Variants in RNF123 observed in about 807,000 individuals in gnomAD.
The protein encoded by RNF123 is ring finger protein 123, also known as E3 ubiquitin-protein ligase RNF123.
A neutral mutation model predicts 168.5 loss-of-function variants in RNF123; 86 were observed. That is an observed-to-expected ratio of 0.51 (90% CI 0.43 to 0.61). RNF123 has a LOEUF of 0.61. RNF123 is among the 20% of genes least tolerant of loss of function. The pLI is 0.00. For synonymous variants in RNF123, 666 were observed against 689.1 expected (o/e 0.97, Z 0.52); for missense variants, 1,419 against 1,729.7 (o/e 0.82, Z 3.19).
chr3:49,702,654 CCT>C lies in RNF123; in HGVS notation c.1652_1653del (p.Pro551ArgfsTer20). On this transcript the variant is annotated frameshift_variant, in exon 20 of 39. Coordinates refer to ENST00000327697, the MANE Select transcript of RNF123 (RefSeq NM_022064.5). LOFTEE classifies it high-confidence loss of function. The part of the protein sequence containing the change: ...GRGNMPMLCP[P>X]EYMVCFLHRL... Reference sequence around the variant, plus strand: ...ACAGAACATGCCCATGCTCTGCCCCCCTGAGTACATGGTCTGCTTCTTACACC... The same window carrying C: ...ACAGAACATGCCCATGCTCTGCCCCCGAGTACATGGTCTGCTTCTTACACC... The C allele has an allele frequency of 1.2e-6, 2 of 1,614,230 alleles. No individual in the cohort carries two copies. Among genetic ancestry groups the C allele is most frequent in the South Asian group, 1.1e-5 (1 of 91,088 alleles).
intron 3 of RNF123, among the ~76,000 whole-genome samples, chr3:49,695,689 CTG>C (rs980399231): frequency 2.6e-5 from 4 of 152,296 alleles, no homozygotes; most frequent in African/African-American, 7.2e-5. Flanking sequence ...AGCTTTCTGT[CTG>C]TGTGGATGAG....
chr3:49,718,587 A>T, intron 35 of RNF123: 1 of 1,613,000 alleles, frequency 6.2e-7, no homozygotes, highest in Non-Finnish European at 8.5e-7. Context: ...TCAGGGACCG[A>T]CCCACCAGCG....
At chr3:49,697,753 A>G (rs1378520535) in intron 5 of RNF123, 132 bp from the exon 6 acceptor site, 2 of 1,094,036 alleles carry the variant, frequency 1.8e-6, no homozygotes, top group Non-Finnish European at 2.8e-6. Context: ...CACCGTCCTC[A>G]GGCACAGTGC....
Position 49,716,402 on chromosome 3 carries a change from G to A in RNF123, c.3425G>A (p.Ser1142Asn), listed in dbSNP as rs191296119. The change falls in exon 35 of 39, where the codon AGC (serine) becomes AAC (asparagine). Residue 1142 changes from serine (S) to asparagine (N), a missense_variant. Transcript: ENST00000327697. ...CTCCCCTTCCCCTCAGGCCTAGAGA[G>A]CGTGGACCACTATCCCATTCTGGTG... ...VVTLRLPGLE[S>N]VDHYPILVAV... is the part of the protein sequence containing the mutation. The A allele has an allele frequency of 3.9e-5, 63 of 1,614,042 alleles. No homozygotes were observed. In the East Asian group the frequency reaches 1.3e-3, roughly 34 times the overall value.
At chr3:49,706,760 T>C in intron 25 of RNF123, 31 bp from the exon 26 acceptor site, 1 of 1,596,972 alleles carries the variant, frequency 6.3e-7, no homozygotes, top group Non-Finnish European at 8.6e-7. Context: ...GGGCCATGTC[T>C]TGATTGTCCT....
chr3:49,718,638 G>A (rs2080308199), intron 35 of RNF123: 1 of 1,613,000 alleles, frequency 6.2e-7, no homozygotes, highest in African/African-American at 1.3e-5. Flanking sequence ...CAAGAGCTGG[G>A]GCCGACGAGC....
At chr3:49,711,158 A>G (rs757970313) in intron 26 of RNF123, among the ~76,000 whole-genome samples, 31 of 152,210 alleles carry the variant, frequency 2.0e-4, no homozygotes, top group Admixed American at 5.2e-4. Flanking sequence ...CAACATGGCG[A>G]AACCCCATCT....
rs2080240941 is a variant in RNF123, at chr3:49,716,189, G to A, written c.3415+12G>A. ...CCTACGGCTGCCTGGTGAGGACCTA[G>A]ATGCCCTGCACCCCAACACACTACA... On this transcript the variant is annotated intron_variant, in intron 34 of 38. Transcript: ENST00000327697. 2 of 1,613,126 alleles carry A rather than the reference G, an allele frequency of 1.2e-6. No homozygotes were observed. The highest frequency in any genetic ancestry group is 1.7e-6 in the Non-Finnish European group (2 of 1,179,614).
chr3:49,690,254 T>TA (rs1161906214), intron 1 of RNF123, among the ~76,000 whole-genome samples: 1 of 152,262 alleles, frequency 6.6e-6, no homozygotes, highest in African/African-American at 2.4e-5. Context: ...GGGAACGTTC[T>TA]ACCTTTGTGC....
chr3:49,705,889 G>T, intron 24 of RNF123, 93 bp from the exon 25 acceptor site: 1 of 1,495,316 alleles, frequency 6.7e-7, no homozygotes, highest in Non-Finnish European at 9.3e-7. Flanking sequence ...CTAAGGTTGG[G>T]ACCTTGGCAG....
Position 49,704,711 on chromosome 3 carries a change from G to A in RNF123, c.1914G>A (p.Met638Ile). Reference sequence around the variant, plus strand: ...CACTGGAGCTCCAGTCAACCGCCATGGATGACCTAGATGAGGATGAGGAGC... The same window carrying A: ...CACTGGAGCTCCAGTCAACCGCCATAGATGACCTAGATGAGGATGAGGAGC... ...IDPLELQSTA[M>I]DDLDEDEEPA... The change falls in exon 22 of 39, where the codon ATG becomes ATA. Residue 638 changes from methionine to isoleucine, a missense_variant. Around this residue, in one of 5 missense-constraint regions of RNF123, gnomAD observed 538 missense variants for 708.8 expected, o/e 0.76. Transcript: ENST00000327697. 1 of 1,601,584 alleles carries A rather than the reference G, an allele frequency of 6.2e-7. No individual in the cohort carries two copies. Among genetic ancestry groups the A allele is most frequent in the Non-Finnish European group, 8.5e-7 (1 of 1,174,060 alleles).
In RNF123 at chr3:49,714,559, C is replaced by A. The variant is rs576393524; in HGVS notation, c.3010+385C>A. On this transcript the variant is annotated intron_variant, in intron 31 of 38. Transcript: ENST00000327697. Reference sequence around the variant, plus strand: ...CTTGTCCCAGCACCATGTCCTTCTGCTTCTTTTTTGCTATCTGCTGGTGGC... The same window carrying A: ...CTTGTCCCAGCACCATGTCCTTCTGATTCTTTTTTGCTATCTGCTGGTGGC... 2.0e-5 allele frequency among the ~76,000 whole-genome samples: 3 copies of A among 152,382 alleles called. No individual in the cohort carries two copies. In the South Asian group the frequency reaches 6.2e-4, roughly 32 times the overall value.
intron 35 of RNF123, chr3:49,717,037 C>G (rs2080261099): frequency 6.5e-6 from 1 of 153,506 alleles, no homozygotes; most frequent in African/African-American, 2.4e-5. Flanking sequence ...CCAGTGCCAG[C>G]CCTTAAGAGG....
intron 25 of RNF123, 65 bp from the exon 26 acceptor site, chr3:49,706,726 A>G: frequency 1.4e-6 from 2 of 1,418,896 alleles, no homozygotes; most frequent in Non-Finnish European, 1.0e-6. Flanking sequence ...GGCTGCCTGC[A>G]GGATCAGGGT....
At chr3:49,704,802 T>C (rs1474878145) in intron 22 of RNF123, 46 bp downstream of exon 22, 1 of 1,507,094 alleles carries the variant, frequency 6.6e-7, no homozygotes, top group Admixed American at 2.2e-5. Context: ...GGGCTTATCC[T>C]GTATCTTATG....
At chr3:49,706,563 C>A (rs1052519203) in intron 25 of RNF123, among the ~76,000 whole-genome samples, 1 of 152,232 alleles carries the variant, frequency 6.6e-6, no homozygotes, top group Non-Finnish European at 1.5e-5. Context: ...GCTCACAGAC[C>A]CCCAGCTGGG....
intron 21 of RNF123, among the ~76,000 whole-genome samples, chr3:49,704,267 T>C (rs2054467658): frequency 6.6e-6 from 1 of 152,032 alleles, no homozygotes; most frequent in Admixed American, 6.5e-5. Context: ...AGCCCTGGCA[T>C]CTCCTTTTGT....
chr3:49,700,530 G>A lies in RNF123; in HGVS notation c.1169G>A (p.Arg390Gln), dbSNP rs559187927. Residue 390 changes from arginine to glutamine, a missense_variant, in exon 14 of 39, where the codon CGA (arginine) becomes CAA (glutamine). Transcript: ENST00000327697. Reference sequence around the variant, plus strand: ...ATGATGTCTCTGCTTCGGCTGTACCGATTCTCACCCATTGTCCCAGACCTG... The same window carrying A: ...ATGATGTCTCTGCTTCGGCTGTACCAATTCTCACCCATTGTCCCAGACCTG... The part of the protein sequence containing the change: ...QLMMSLLRLY[R>Q]FSPIVPDLGL... 14 of 1,614,196 alleles carry A rather than the reference G, an allele frequency of 8.7e-6. No homozygotes were observed. The African/African-American group carries it at 9.3e-5, about 11-fold the overall frequency.
intron 26 of RNF123, among the ~76,000 whole-genome samples, chr3:49,711,413 C>T (rs531031126): frequency 1.3e-5 from 2 of 152,316 alleles, no homozygotes; most frequent in African/African-American, 4.8e-5. Flanking sequence ...GGGTCTCTGT[C>T]TGCCCCCATC....
Sources: allele counts gnomAD v4.1 joint callset (sites outside exome capture counted in the v4.1 genomes callset), GRCh38; gene constraint gnomAD v4.1.1; regional missense constraint gnomAD v4.1.1; transcripts MANE v1.5; gene names NCBI Gene and HGNC (gene_info 2026-07-23, HGNC 2026-07-21).